DNAH17: variants seen among roughly 807,000 people sequenced by gnomAD.
DNAH17 encodes dynein axonemal heavy chain 17.
A neutral mutation model predicts 485.6 loss-of-function variants in DNAH17; 376 were observed. The observed-to-expected ratio is 0.77, with a 90% CI of 0.71 to 0.84. DNAH17 has a LOEUF of 0.84. DNAH17 is among the 40% of genes least tolerant of loss of function. The pLI, the probability that DNAH17 is intolerant of heterozygous loss-of-function variation, is 0.00. For missense variants in DNAH17, 6,370 were observed against 5,839.3 expected (o/e 1.09, Z -2.96); for synonymous variants, 3,031 against 2,405.9 (o/e 1.26, Z -7.60).
intron 48 of DNAH17, among the ~76,000 whole-genome samples, chr17:78,482,070 CTTTTTTTT>C (rs36105381): frequency 1.4e-4 from 18 of 130,670 alleles, no homozygotes; most frequent in African/African-American, 5.1e-4. Context: ...ACACTAGTTA[CTTTTTTTT>C]TTTTTTTTTT....
intron 14 of DNAH17, 148 bp from the exon 15 acceptor site, chr17:78,552,953 G>A (rs2091936362): frequency 1.6e-6 from 1 of 641,090 alleles, no homozygotes; most frequent in Non-Finnish European, 2.8e-6. Flanking sequence ...AATCCCCAGT[G>A]TTGGAGGTGG....
chr17:78,426,629 G>A (rs772483127), intron 78 of DNAH17, 29 bp from the exon 79 acceptor site: 31 of 1,571,270 alleles, frequency 2.0e-5, no homozygotes, highest in Non-Finnish European at 2.6e-5. Flanking sequence ...GGTGTGGGGA[G>A]CCCTGAGCTG....
chr17:78,471,658 T>C (rs1428666575), intron 54 of DNAH17, among the ~76,000 whole-genome samples: 2 of 152,116 alleles, frequency 1.3e-5, no homozygotes, highest in Admixed American at 6.5e-5. Flanking sequence ...CCTCTCAAAG[T>C]GCTAGGATTA....
At position 78,572,901 on chromosome 17, in the gene DNAH17, G is replaced by T; in HGVS notation, c.346-7C>A. The T allele has an allele frequency of 6.2e-7, 1 of 1,612,620 alleles. No individual in the cohort carries two copies. ...TTAACAGAGAAGAGAGGACCTAAAAGGAAACACTTCTGTGGTTCCGCCCCC... is the reference window on the plus strand; with the variant it reads ...TTAACAGAGAAGAGAGGACCTAAAATGAAACACTTCTGTGGTTCCGCCCCC... On this transcript the variant is annotated splice_polypyrimidine_tract_variant and splice_region_variant and intron_variant, in intron 2 of 80. Transcript: ENST00000389840.
At chr17:78,464,724 G>A (rs1008770365) in intron 56 of DNAH17, among the ~76,000 whole-genome samples, 20 of 152,218 alleles carry the variant, frequency 1.3e-4, no homozygotes, top group South Asian at 2.1e-4. Flanking sequence ...TGAGTCGCCC[G>A]ATCTGTCCGC....
At chr17:78,474,294 A>G (rs773478463) in intron 54 of DNAH17, among the ~76,000 whole-genome samples, 1 of 152,262 alleles carries the variant, frequency 6.6e-6, no homozygotes, top group Non-Finnish European at 1.5e-5. Context: ...CAGAGAAGGC[A>G]TGGCCGTGTA....
intron 18 of DNAH17, 63 bp downstream of exon 18, chr17:78,539,674 C>T (rs2091468822): frequency 1.5e-6 from 2 of 1,349,062 alleles, no homozygotes; most frequent in Non-Finnish European, 2.0e-6. Flanking sequence ...AAACTAGAAA[C>T]TATAGATTCT....
chr17:78,481,652 A>T (rs181091862), intron 48 of DNAH17, among the ~76,000 whole-genome samples: 1 of 152,342 alleles, frequency 6.6e-6, no homozygotes, highest in East Asian at 1.9e-4. Flanking sequence ...TACCTGACAT[A>T]CAGTAAGTAT....
At chr17:78,460,878 TACTC>T (rs749289619) in intron 58 of DNAH17, among the ~76,000 whole-genome samples, 22 of 152,152 alleles carry the variant, frequency 1.4e-4, no homozygotes, top group Non-Finnish European at 3.1e-4. Context: ...TTCATGTACA[TACTC>T]ATTCATTCAC....
chr17:78,525,151 C>T lies in DNAH17; in HGVS notation c.3722G>A (p.Ser1241Asn). The T allele has an allele frequency of 6.2e-7, 1 of 1,613,182 alleles. No homozygotes were observed. The highest frequency in any genetic ancestry group is 8.5e-7 in the Non-Finnish European group (1 of 1,179,652). The change falls in exon 25 of 81, where the codon AGC becomes AAC. Residue 1241 changes from serine to asparagine, a missense_variant. Coordinates refer to ENST00000389840, the MANE Select transcript of DNAH17 (RefSeq NM_173628.4). ...CATGATGCCTTCCATGGCGGAGATG[C>T]TCTTTTGTTGCTAGGGGCGGCGAGG... ...PYKSLNKQQK[S>N]ISAMEGIMEA...
intron 42 of DNAH17, among the ~76,000 whole-genome samples, chr17:78,492,139 C>G (rs975602501): frequency 6.6e-6 from 1 of 152,146 alleles, no homozygotes; most frequent in African/African-American, 2.4e-5. Context: ...TGGTCAGGAC[C>G]ACCCTGCTCC....
intron 2 of DNAH17, among the ~76,000 whole-genome samples, chr17:78,574,438 G>A (rs28611325): frequency 0.076 from 11,619 of 151,972 alleles, 1,046 homozygotes; most frequent in African/African-American, 0.22. Context: ...AGGAGGTTGA[G>A]GCTGCAGTGA....
At position 78,454,664 on chromosome 17, in the gene DNAH17, C is replaced by G. The variant is rs1362464240; in HGVS notation, c.10212G>C (p.Leu3404=). 1 of 1,613,070 alleles carries G rather than the reference C, an allele frequency of 6.2e-7. No homozygotes were observed. The highest frequency in any genetic ancestry group is 8.5e-7 in the Non-Finnish European group (1 of 1,179,876). The part of the protein sequence containing the change: ...PITNGLDPLS[L]LTDDADVATW... ...TGGCCACGTCCGCGTCATCTGTCAGCAGGCTCAAGGGATCCAGGCCATTCG... is the reference window on the plus strand; with the variant it reads ...TGGCCACGTCCGCGTCATCTGTCAGGAGGCTCAAGGGATCCAGGCCATTCG... The change falls in exon 64 of 81, where the codon CTG becomes CTC. Residue 3404 remains leucine, a synonymous_variant. Coordinates refer to ENST00000389840, the MANE Select transcript of DNAH17 (RefSeq NM_173628.4).
intron 30 of DNAH17, among the ~76,000 whole-genome samples, chr17:78,505,693 T>C (rs1335584102): frequency 1.3e-5 from 2 of 152,172 alleles, no homozygotes. Context: ...GAAGATTTCT[T>C]TTTGGTGGGG....
intron 26 of DNAH17, among the ~76,000 whole-genome samples, chr17:78,514,026 T>C (rs1364901621): frequency 6.6e-6 from 1 of 152,110 alleles, no homozygotes; most frequent in African/African-American, 2.4e-5. Context: ...CTGCCAGTAC[T>C]GTGGGATATT....
At chr17:78,524,662 C>T (rs2091017292) in intron 25 of DNAH17, among the ~76,000 whole-genome samples, 2 of 151,924 alleles carry the variant, frequency 1.3e-5, no homozygotes, top group Admixed American at 6.6e-5. Context: ...GTTAGAGCAC[C>T]TTGAACAGAC....
chr17:78,499,164 C>G, intron 36 of DNAH17, 52 bp from the exon 37 acceptor site: 17 of 1,243,762 alleles, frequency 1.4e-5, no homozygotes, highest in Non-Finnish European at 1.9e-5. Context: ...ACAGGGAGGG[C>G]GGGCGCTGCA....
At chr17:78,498,474 C>T (rs548778260) in intron 37 of DNAH17, among the ~76,000 whole-genome samples, 4 of 152,334 alleles carry the variant, frequency 2.6e-5, no homozygotes, top group South Asian at 2.1e-4. Context: ...GTGGGGCCCA[C>T]GCTGGAGATT....
Position 78,515,015 on chromosome 17 carries a change from G to T in DNAH17, c.3872C>A (p.Thr1291Asn). Residue 1291 changes from threonine to asparagine, a missense_variant, in exon 26 of 81, where the codon ACC (threonine) becomes AAC (asparagine). Physicochemically the swap from Thr to Asn is moderately conservative, Grantham distance 65. Transcript: ENST00000389840. ...ELWDMVVVVNTSIEDWKTTKW... is the reference protein window; with the variant it reads ...ELWDMVVVVNNSIEDWKTTKW... Reference sequence around the variant, plus strand: ...GGTGGTCTTCCAGTCCTCGATGCTGGTATTTACCTGAAACGAAAACATCCC... The same window carrying T: ...GGTGGTCTTCCAGTCCTCGATGCTGTTATTTACCTGAAACGAAAACATCCC... 2 of 1,613,154 alleles carry T rather than the reference G, an allele frequency of 1.2e-6. No homozygotes were observed. Among genetic ancestry groups the T allele is most frequent in the Non-Finnish European group, 1.7e-6 (2 of 1,179,222 alleles).
Sources: allele counts gnomAD v4.1 joint callset (sites outside exome capture counted in the v4.1 genomes callset), GRCh38; gene constraint gnomAD v4.1.1; transcripts MANE v1.5; gene names NCBI Gene and HGNC (gene_info 2026-07-23, HGNC 2026-07-21).